The following ZNF804B variants were observed in gnomAD, a reference collection of about 807,000 sequenced individuals.
ZNF804B encodes zinc finger protein 804B, also known as zinc finger 804B.
ZNF804B carries 80 observed loss-of-function variants against 101.4 expected under a neutral mutation model. That is an observed-to-expected ratio of 0.79 (90% confidence interval 0.66 to 0.95). The LOEUF is 0.95. Ranked by LOEUF, ZNF804B falls within the 40% of genes least tolerant of loss-of-function variation. The probability of loss-of-function intolerance (pLI) is 0.00; values close to 1 mark genes in which losing one functional copy is unlikely to be tolerated. For synonymous variants in ZNF804B, 622 were observed against 558.8 expected (o/e 1.11, Z -1.59); for missense variants, 1,673 against 1,561.9 (o/e 1.07, Z -1.20).
chr7:88,884,968 C>G (rs1207665198), intron 1 of ZNF804B, among the ~76,000 whole-genome samples: 2 of 151,838 alleles, frequency 1.3e-5, no homozygotes, highest in Non-Finnish European at 2.9e-5. Flanking sequence ...ATAATTTTCT[C>G]TCAATGCTTT....
intron 1 of ZNF804B, among the ~76,000 whole-genome samples, chr7:88,855,586 T>A (rs1479425244): frequency 1.3e-5 from 2 of 152,224 alleles, no homozygotes; most frequent in Non-Finnish European, 2.9e-5. Flanking sequence ...TTTCTTTTGC[T>A]GTGCAGAAGT....
At chr7:89,035,302 G>T (rs1216571956) in intron 1 of ZNF804B, among the ~76,000 whole-genome samples, 1 of 151,958 alleles carries the variant, frequency 6.6e-6, no homozygotes, top group South Asian at 2.1e-4. Flanking sequence ...AACTCTTTTG[G>T]TAGCTTCTAT....
intron 1 of ZNF804B, among the ~76,000 whole-genome samples, chr7:88,910,592 A>G (rs1792534456): frequency 6.6e-6 from 1 of 151,930 alleles, no homozygotes; most frequent in South Asian, 2.1e-4. Flanking sequence ...CATTCAATGT[A>G]GATAAACTGT....
At position 88,955,610 on chromosome 7, in the gene ZNF804B, T is replaced by C. The variant is rs562746825; in HGVS notation, c.108+195526T>C. 2.6e-5 allele frequency among the ~76,000 whole-genome samples: 4 copies of C among 151,818 alleles called. No homozygotes were observed. In the South Asian group the frequency reaches 6.2e-4, roughly 24 times the overall value. On this transcript the variant is annotated intron_variant, in intron 1 of 3. Transcript: ENST00000333190. Reference sequence around the variant, plus strand: ...TTAGTAAAAAGCCTATTTTTGGATATTAAACTATTAACACTTATAATTGAA... The same window carrying C: ...TTAGTAAAAAGCCTATTTTTGGATACTAAACTATTAACACTTATAATTGAA...
At chr7:89,054,453 C>T (rs1789259982) in intron 1 of ZNF804B, among the ~76,000 whole-genome samples, 1 of 151,770 alleles carries the variant, frequency 6.6e-6, no homozygotes, top group African/African-American at 2.4e-5. Flanking sequence ...TTATTTCCTA[C>T]ATGAATGATG....
chr7:88,908,901 A>G (rs1792509924), intron 1 of ZNF804B, among the ~76,000 whole-genome samples: 1 of 151,792 alleles, frequency 6.6e-6, no homozygotes, highest in Non-Finnish European at 1.5e-5. Context: ...AGAAATGATT[A>G]TATTGTTCAA....
chr7:89,050,591 A>G (rs1789185994), intron 1 of ZNF804B, among the ~76,000 whole-genome samples: 1 of 152,100 alleles, frequency 6.6e-6, no homozygotes, highest in Non-Finnish European at 1.5e-5. Context: ...CTTCCTTCAG[A>G]TGGTTTAAAT....
chr7:89,044,119 C>T (rs1472051542), intron 1 of ZNF804B, among the ~76,000 whole-genome samples: 1 of 152,204 alleles, frequency 6.6e-6, no homozygotes, highest in East Asian at 1.9e-4. Context: ...TGGAAGGTAA[C>T]TGAACCATAG....
chr7:88,935,658 G>A (rs1792955845), intron 1 of ZNF804B, among the ~76,000 whole-genome samples: 1 of 151,860 alleles, frequency 6.6e-6, no homozygotes, highest in Non-Finnish European at 1.5e-5. Context: ...AATACTCAAT[G>A]TCCAAGATGC....
intron 2 of ZNF804B, among the ~76,000 whole-genome samples, chr7:89,298,140 T>TCATATATATAGTATATATATATATTTC (rs1200456387): frequency 6.0e-4 from 82 of 136,212 alleles, no homozygotes; most frequent in Non-Finnish European, 1.0e-3. Flanking sequence ...TATATATATA[T>TCATATATATAGTATATATATATATTTC]ATCATATATA....
chr7:89,313,418 C>A (rs995142458), intron 2 of ZNF804B, among the ~76,000 whole-genome samples: 4 of 152,144 alleles, frequency 2.6e-5, no homozygotes, highest in Non-Finnish European at 5.9e-5. Context: ...GAATTCACTT[C>A]ACATGTGTGT....
At chr7:88,900,700 C>A (rs1792376118) in intron 1 of ZNF804B, among the ~76,000 whole-genome samples, 1 of 150,564 alleles carries the variant, frequency 6.6e-6, no homozygotes. Context: ...CTAATAATTC[C>A]TATAATAGAA....
intron 2 of ZNF804B, among the ~76,000 whole-genome samples, chr7:89,313,759 G>A (rs1025363237): frequency 1.3e-5 from 2 of 152,070 alleles, no homozygotes; most frequent in Non-Finnish European, 2.9e-5. Flanking sequence ...CTCTTGCTGA[G>A]AGAAAATCAA....
At chr7:88,868,048 AGTGTGTGTGTGTGTGTGTGT>A in intron 1 of ZNF804B, among the ~76,000 whole-genome samples, 1 of 142,762 alleles carries the variant, frequency 7.0e-6, no homozygotes, top group African/African-American at 2.6e-5. Flanking sequence ...TGTGTGTGTG[AGTGTGTGTGTGTGTGTGTGT>A]GTGTGTGTGT....
At chr7:89,021,107 G>A (rs926023996) in intron 1 of ZNF804B, among the ~76,000 whole-genome samples, 2 of 152,106 alleles carry the variant, frequency 1.3e-5, no homozygotes, top group African/African-American at 4.8e-5. Flanking sequence ...ATGGAGTTGG[G>A]TTCATAGAGA....
chr7:88,962,708 CATATATATATAT>C (rs71120046), intron 1 of ZNF804B, among the ~76,000 whole-genome samples: 4,164 of 84,174 alleles, frequency 0.049, 205 homozygotes, highest in South Asian at 0.22. Flanking sequence ...GTTAAACTCA[CATATATATATAT>C]ATATATATAT....
intron 1 of ZNF804B, among the ~76,000 whole-genome samples, chr7:88,862,650 G>T (rs1458379808): frequency 1.3e-5 from 2 of 152,068 alleles, no homozygotes; most frequent in Non-Finnish European, 2.9e-5. Flanking sequence ...TTTTTGCATG[G>T]TATTGACTAA....
intron 1 of ZNF804B, among the ~76,000 whole-genome samples, chr7:88,999,864 A>G (rs1788259268): frequency 6.6e-6 from 1 of 151,960 alleles, no homozygotes; most frequent in Non-Finnish European, 1.5e-5. Context: ...TTAATATTCA[A>G]CCTAGCCTAG....
intron 2 of ZNF804B, among the ~76,000 whole-genome samples, chr7:89,288,066 A>C (rs933689928): frequency 5.9e-5 from 9 of 152,124 alleles, no homozygotes; most frequent in African/African-American, 2.2e-4. Flanking sequence ...TGATCTAGAT[A>C]TTACAGTTAA....
Sources: gnomAD v4.1 joint callset for allele counts (sites outside exome capture counted in the v4.1 genomes callset) on GRCh38, gnomAD v4.1.1 for gene constraint, MANE v1.5 for transcripts, NCBI Gene and HGNC (gene_info 2026-07-23, HGNC 2026-07-21) for gene names.